ZFPM2: variants seen among roughly 807,000 people sequenced by gnomAD.
ZFPM2 encodes the protein zinc finger protein, FOG family member 2, also known as zinc finger protein ZFPM2.
In ZFPM2, 20 loss-of-function variants were observed where a neutral mutation model predicts 98.6. The observed-to-expected ratio is 0.20, with a 90% CI of 0.14 to 0.29. The LOEUF is 0.29. Ranked by LOEUF, ZFPM2 falls within the 10% of genes least tolerant of loss-of-function variation. ZFPM2 has a pLI of 1.00. For missense variants in ZFPM2, 1,310 were observed against 1,388.6 expected (o/e 0.94, Z 0.90); for synonymous variants, 518 against 502.7 (o/e 1.03, Z -0.41).
intron 4 of ZFPM2, among the ~76,000 whole-genome samples, chr8:105,564,128 T>C (rs1815196606): frequency 6.6e-6 from 1 of 152,040 alleles, no homozygotes; most frequent in Non-Finnish European, 1.5e-5. Context: ...TTTTAATAGT[T>C]CTATATGACT....
At chr8:105,727,996 G>A (rs2131008823) in intron 5 of ZFPM2, among the ~76,000 whole-genome samples, 1 of 151,398 alleles carries the variant, frequency 6.6e-6, no homozygotes, top group African/African-American at 2.4e-5. Context: ...TACAGCTGAA[G>A]TGTCAGATTC....
At chr8:105,676,210 T>C (rs1810451735) in intron 5 of ZFPM2, among the ~76,000 whole-genome samples, 1 of 152,198 alleles carries the variant, frequency 6.6e-6, no homozygotes, top group Admixed American at 6.5e-5. Flanking sequence ...GACCATAACA[T>C]TGGAATCATA....
At chr8:105,367,215 T>C (rs1455143752) in intron 1 of ZFPM2, among the ~76,000 whole-genome samples, 2,158 of 66,530 alleles carry the variant, frequency 0.032, 274 homozygotes, top group African/African-American at 0.18. Context: ...CGGGCTCTTT[T>C]TTGGTTCCAT....
At position 105,538,640 on chromosome 8, in the gene ZFPM2, T is replaced by A. The variant is rs1214612009; in HGVS notation, c.302-22723T>A. Reference sequence around the variant, plus strand: ...CTTTATTCCATATTATTATGGGCTTTTTTTTTTAGTCTTCCAAGATCATTG... The same window carrying A: ...CTTTATTCCATATTATTATGGGCTTATTTTTTTAGTCTTCCAAGATCATTG... On this transcript the variant is annotated intron_variant, in intron 3 of 7. Transcript: ENST00000407775. Among the ~76,000 whole-genome samples the A allele has an allele frequency of 2.6e-5, 4 of 152,070 alleles. No individual in the cohort carries two copies. In the East Asian group the frequency reaches 7.7e-4, roughly 29 times the overall value.
chr8:105,669,536 ATGTGTG>A lies in ZFPM2; in HGVS notation c.532+35203_532+35208del, dbSNP rs71305176. ...TCTCTATTTTAAGCTGAAAGTGTGC[ATGTGTG>A]TGTGTGTGTGTGTGTGTGTGTGTAA... On this transcript the variant is annotated intron_variant, in intron 5 of 7. Transcript: ENST00000407775. Among the ~76,000 whole-genome samples, 23 of 139,146 alleles carry A rather than the reference ATGTGTG, an allele frequency of 1.7e-4. No individual in the cohort carries two copies. In the East Asian group the frequency reaches 2.2e-3, roughly 13 times the overall value. The allele number at this position is 139,146 out of a possible 152,430, so 91.3% of individuals were successfully genotyped here. A position where few individuals can be genotyped will look rare whatever the true frequency, so the allele number is the denominator to read the frequency against.
At chr8:105,481,841 TG>T (rs1243909588) in intron 3 of ZFPM2, among the ~76,000 whole-genome samples, 1 of 152,194 alleles carries the variant, frequency 6.6e-6, no homozygotes, top group African/African-American at 2.4e-5. Flanking sequence ...AACTCGATAG[TG>T]TGTGTTGGAG....
chr8:105,379,709 C>G (rs1171671116), intron 1 of ZFPM2, among the ~76,000 whole-genome samples: 2 of 149,252 alleles, frequency 1.3e-5, no homozygotes, highest in Non-Finnish European at 3.0e-5. Context: ...GCCGAGATCA[C>G]GCCATTGCGC....
At chr8:105,622,247 C>G (rs555947028) in intron 4 of ZFPM2, among the ~76,000 whole-genome samples, 1 of 152,022 alleles carries the variant, frequency 6.6e-6, no homozygotes, top group East Asian at 1.9e-4. Flanking sequence ...TTTAATTGAT[C>G]AGTTTGTCAT....
chr8:105,453,622 G>T (rs1261783326), intron 3 of ZFPM2, among the ~76,000 whole-genome samples: 5 of 151,042 alleles, frequency 3.3e-5, no homozygotes, highest in Non-Finnish European at 3.0e-5. Context: ...TTTTTCTGGA[G>T]TTTTTTTTGT....
intron 4 of ZFPM2, among the ~76,000 whole-genome samples, chr8:105,618,732 A>T (rs768533965): frequency 6.6e-6 from 1 of 152,146 alleles, no homozygotes; most frequent in Non-Finnish European, 1.5e-5. Context: ...TGCAAGTAAG[A>T]TGCAGAGTAC....
chr8:105,616,664 CAATAAT>C (rs4038140), intron 4 of ZFPM2: 15 of 374,544 alleles, frequency 4.0e-5, no homozygotes, highest in East Asian at 9.3e-5. Context: ...TATGGTATAA[CAATAAT>C]AATAATAATA....
At chr8:105,480,121 T>C (rs1813085939) in intron 3 of ZFPM2, among the ~76,000 whole-genome samples, 1 of 152,182 alleles carries the variant, frequency 6.6e-6, no homozygotes, top group African/African-American at 2.4e-5. Context: ...ATTGCTTTTC[T>C]CATAGGTAGC....
chr8:105,769,486 C>G (rs1812935307), intron 5 of ZFPM2, among the ~76,000 whole-genome samples: 1 of 151,988 alleles, frequency 6.6e-6, no homozygotes. Flanking sequence ...TTTTTCACCT[C>G]TCCTAGACTT....
chr8:105,552,494 A>G (rs10089159), intron 3 of ZFPM2, among the ~76,000 whole-genome samples: 103,093 of 152,030 alleles, frequency 0.68, 36,511 homozygotes, highest in African/African-American at 0.91. Flanking sequence ...CTTCTTGAGC[A>G]AAAGAGTGGT....
intron 3 of ZFPM2, among the ~76,000 whole-genome samples, chr8:105,468,344 C>A (rs1812833123): frequency 6.6e-6 from 1 of 152,060 alleles, no homozygotes; most frequent in African/African-American, 2.4e-5. Flanking sequence ...CACTTCTGAT[C>A]AGGGAACAAT....
chr8:105,591,282 A>G, intron 4 of ZFPM2, among the ~76,000 whole-genome samples: 1 of 151,994 alleles, frequency 6.6e-6, no homozygotes, highest in South Asian at 2.1e-4. Flanking sequence ...ACAAAAAACC[A>G]AGTGGCATCT....
intron 3 of ZFPM2, among the ~76,000 whole-genome samples, chr8:105,502,276 C>A (rs1323879376): frequency 6.6e-6 from 1 of 151,258 alleles, no homozygotes; most frequent in Non-Finnish European, 1.5e-5. Context: ...TTGATTATAC[C>A]CATTTTGAAA....
At chr8:105,612,374 A>G (rs745855748) in intron 4 of ZFPM2, among the ~76,000 whole-genome samples, 2 of 149,640 alleles carry the variant, frequency 1.3e-5, no homozygotes, top group African/African-American at 4.9e-5. Flanking sequence ...AAAACGTCCA[A>G]TTGAAAAAAA....
intron 1 of ZFPM2, among the ~76,000 whole-genome samples, chr8:105,411,609 C>G (rs1351493176): frequency 1.3e-5 from 2 of 151,776 alleles, no homozygotes; most frequent in African/African-American, 2.4e-5. Flanking sequence ...TGAAATATAT[C>G]TCAATCATAT....
Sources: allele counts gnomAD v4.1 joint callset (sites outside exome capture counted in the v4.1 genomes callset), GRCh38; gene constraint gnomAD v4.1.1; transcripts MANE v1.5; gene names NCBI Gene and HGNC (gene_info 2026-07-23, HGNC 2026-07-21).